NEMP1: variants seen among roughly 807,000 people sequenced by gnomAD.
The protein encoded by NEMP1 is nuclear envelope integral membrane protein 1.
NEMP1 carries 29 observed loss-of-function variants against 53.7 expected under a neutral mutation model. The observed-to-expected ratio is 0.54, with a 90% CI of 0.40 to 0.74. The LOEUF is 0.74. Ranked by LOEUF, NEMP1 falls within the 30% of genes least tolerant of loss-of-function variation. The pLI is 0.00. For missense variants in NEMP1, 477 were observed against 528.6 expected, an observed-to-expected ratio of 0.90 and a Z score of 0.96; for synonymous variants, 193 against 192.9, an observed-to-expected ratio of 1.00 and a Z score of 0.00.
chr12:57,064,041 CA>C, intron 6 of NEMP1, 29 bp downstream of exon 6: 1 of 1,420,714 alleles, frequency 7.0e-7, no homozygotes, highest in Admixed American at 1.9e-5. Flanking sequence ...TATAAACGTA[CA>C]AAAGGAAAGC....
upstream of NEMP1, among the ~76,000 whole-genome samples, chr12:57,081,118 C>A (rs1415510680): frequency 1.3e-5 from 2 of 152,080 alleles, no homozygotes; most frequent in Admixed American, 6.6e-5. Context: ...TTTTCCTTCC[C>A]AAAACCCATA....
intron 8 of NEMP1, 73 bp downstream of exon 8, chr12:57,060,697 TAG>T: frequency 6.8e-7 from 1 of 1,463,490 alleles, no homozygotes; most frequent in Non-Finnish European, 9.2e-7. Flanking sequence ...CACGATTCTC[TAG>T]AAGTATGATC....
At chr12:57,072,350 G>A (rs1031512276) in intron 2 of NEMP1, among the ~76,000 whole-genome samples, 2 of 152,186 alleles carry the variant, frequency 1.3e-5, no homozygotes, top group Admixed American at 1.3e-4. Context: ...TGAGGCAGGA[G>A]AATCGCTTGA....
intron 4 of NEMP1, among the ~76,000 whole-genome samples, chr12:57,065,544 C>T (rs1592503655): frequency 7.2e-6 from 1 of 139,124 alleles, no homozygotes; most frequent in South Asian, 2.3e-4. Context: ...TTTTTTGAGA[C>T]AAAGTCTCAC....
In NEMP1 at chr12:57,059,334, T is replaced by C. The variant is rs2031683012; in HGVS notation, c.*545A>G. On this transcript the variant is annotated 3_prime_UTR_variant, in exon 9 of 9. Transcript: ENST00000300128. ...TCTGGAACATGAGTTTGTTATGTTTTTTAAAAGACATTCATTTAAAAAACA... is the reference window on the plus strand; with the variant it reads ...TCTGGAACATGAGTTTGTTATGTTTCTTAAAAGACATTCATTTAAAAAACA... 1 of 152,326 alleles carries C rather than the reference T, an allele frequency of 6.6e-6. No individual in the cohort carries two copies. The highest frequency in any genetic ancestry group is 1.5e-5 in the Non-Finnish European group (1 of 68,114). The allele number at this position is 152,326 out of a possible 1,614,324, so 9.4% of individuals were successfully genotyped here.
intron 1 of NEMP1, among the ~76,000 whole-genome samples, chr12:57,074,418 A>T (rs529513983): frequency 4.1e-3 from 615 of 151,782 alleles, no homozygotes; most frequent in Middle Eastern, 0.014. Flanking sequence ...CAGCCTCCTG[A>T]GTAGCTGGCA....
At chr12:57,070,920 G>C in intron 2 of NEMP1, 27 bp from the exon 3 acceptor site, 1 of 1,544,200 alleles carries the variant, frequency 6.5e-7, no homozygotes, top group Non-Finnish European at 8.8e-7. Context: ...ATCAGGATGA[G>C]AAAAAAGGAA....
Position 57,072,780 on chromosome 12 carries a change from G to A in NEMP1, c.252+8C>T. On this transcript the variant is annotated splice_region_variant and intron_variant, in intron 2 of 8. Coordinates refer to ENST00000300128, the MANE Select transcript of NEMP1 (RefSeq NM_001130963.2). ...AGCTGCCACTGCCAGAGGATTCCAA[G>A]TTATTACCTGTATCCGTGTCCATAT... 1.9e-6 allele frequency: 3 copies of A among 1,590,908 alleles called. No homozygotes were observed. Among genetic ancestry groups the A allele is most frequent in the South Asian group, 1.1e-5 (1 of 87,702 alleles).
At position 57,058,267 on chromosome 12, in the gene NEMP1, T is replaced by G. The variant is rs1283431790; in HGVS notation, c.*1612A>C. ...TCTCAGAGCTGACCCTTTGGAAGTC[T>G]GCAATGGAGCTAGGCCTTTCAAAAT... On this transcript the variant is annotated 3_prime_UTR_variant, in exon 9 of 9. Coordinates refer to ENST00000300128, the MANE Select transcript of NEMP1 (RefSeq NM_001130963.2). The G allele has an allele frequency of 6.6e-6, 1 of 152,218 alleles. No individual in the cohort carries two copies. Among genetic ancestry groups the G allele is most frequent in the Non-Finnish European group, 1.5e-5 (1 of 68,036 alleles). The allele number at this position is 152,218 out of a possible 1,614,324, so 9.4% of individuals were successfully genotyped here. A position where few individuals can be genotyped will look rare whatever the true frequency, so the allele number is the denominator to read the frequency against.
intron 4 of NEMP1, among the ~76,000 whole-genome samples, chr12:57,067,741 T>C (rs1332322460): frequency 6.6e-6 from 1 of 152,196 alleles, no homozygotes; most frequent in Non-Finnish European, 1.5e-5. Context: ...TTCCCAATAA[T>C]CAGCCTTTAC....
chr12:57,063,344 C>T lies in NEMP1; in HGVS notation c.755G>A (p.Ser252Asn). 6.2e-7 allele frequency: 1 copy of T among 1,612,746 alleles called. No homozygotes were observed. The highest frequency in any genetic ancestry group is 1.1e-5 in the South Asian group (1 of 91,032). Residue 252 changes from serine to asparagine, a missense_variant and splice_region_variant, in exon 7 of 9, where the codon AGT becomes AAT. Coordinates refer to ENST00000300128, the MANE Select transcript of NEMP1 (RefSeq NM_001130963.2). ...IWRCYWQYLL[S>N]YVLTVGFMSF... Reference sequence around the variant, plus strand: ...CATGAATCCAACTGTGAGGACATAACCTATGAGAAGAGTTATCAGAAGACA... The same window carrying T: ...CATGAATCCAACTGTGAGGACATAATCTATGAGAAGAGTTATCAGAAGACA...
At position 57,072,311 on chromosome 12, in the gene NEMP1, A is replaced by G. The variant is rs535548038; in HGVS notation, c.252+477T>C. Among the ~76,000 whole-genome samples, 6 of 152,276 alleles carry G rather than the reference A, an allele frequency of 3.9e-5. No homozygotes were observed. The South Asian group carries it at 6.2e-4, about 16-fold the overall frequency. On this transcript the variant is annotated intron_variant, in intron 2 of 8. Coordinates refer to ENST00000300128, the MANE Select transcript of NEMP1 (RefSeq NM_001130963.2). ...AAAAATTGGTCAGGTGTGGTGGCGT[A>G]TGCCTGTAATCCCAGCTACTTGGGA...
rs748513863 is a variant in NEMP1 at position 57,078,578 on chromosome 12, C to G, written c.127+41G>C. 3 of 1,587,896 alleles carry G rather than the reference C, an allele frequency of 1.9e-6. No homozygotes were observed. The East Asian group carries it at 6.9e-5, about 36-fold the overall frequency. ...CAATCCCTTTTCCAAAAATAACCCCCTCGGCACCTGCCCCCTTGGCAGCTG... is the reference window on the plus strand; with the variant it reads ...CAATCCCTTTTCCAAAAATAACCCCGTCGGCACCTGCCCCCTTGGCAGCTG... On this transcript the variant is annotated intron_variant, in intron 1 of 8. Coordinates refer to ENST00000300128, the MANE Select transcript of NEMP1 (RefSeq NM_001130963.2).
intron 1 of NEMP1, among the ~76,000 whole-genome samples, chr12:57,074,432 C>T: frequency 6.6e-6 from 1 of 152,018 alleles, no homozygotes; most frequent in Non-Finnish European, 1.5e-5. Flanking sequence ...GCTGGCATTA[C>T]AGGCATGAGC....
intron 1 of NEMP1, among the ~76,000 whole-genome samples, chr12:57,077,684 C>G (rs1359456310): frequency 5.9e-5 from 9 of 152,120 alleles, no homozygotes; most frequent in Admixed American, 1.3e-4. Context: ...GGAAAAAGAT[C>G]AGAAGAAAGT....
intron 3 of NEMP1, among the ~76,000 whole-genome samples, chr12:57,070,452 T>C (rs1377430830): frequency 6.6e-6 from 1 of 152,160 alleles, no homozygotes; most frequent in African/African-American, 2.4e-5. Flanking sequence ...CAGTTCCAGG[T>C]AAGGAGGTAC....
upstream of NEMP1, among the ~76,000 whole-genome samples, chr12:57,080,232 C>T (rs1306255663): frequency 1.3e-5 from 2 of 152,174 alleles, no homozygotes; most frequent in African/African-American, 4.8e-5. Flanking sequence ...TCCCAAATTA[C>T]TGAAATTACA....
intron 7 of NEMP1, among the ~76,000 whole-genome samples, chr12:57,061,153 T>G: frequency 6.6e-6 from 1 of 151,874 alleles, no homozygotes; most frequent in East Asian, 1.9e-4. Flanking sequence ...AGAGCGAGAC[T>G]CCATCTCAAA....
chr12:57,068,454 G>A (rs975682778), intron 4 of NEMP1, among the ~76,000 whole-genome samples: 1 of 151,840 alleles, frequency 6.6e-6, no homozygotes, highest in African/African-American at 2.4e-5. Context: ...AGGCTCAAGC[G>A]GTTCTCGTGC....
Sources: allele counts gnomAD v4.1 joint callset (sites outside exome capture counted in the v4.1 genomes callset), GRCh38; gene constraint gnomAD v4.1.1; transcripts MANE v1.5; gene names NCBI Gene and HGNC (gene_info 2026-07-23, HGNC 2026-07-21).